Variants in ADK observed in about 807,000 individuals in gnomAD.
The protein encoded by ADK is adenosine kinase, also known as N6,N6-dimethyladenosine kinase.
ADK carries 24 observed loss-of-function variants against 44.7 expected under a neutral mutation model. That is an observed-to-expected ratio of 0.54 (90% CI 0.39 to 0.76). The LOEUF is 0.76. ADK is among the 30% of genes least tolerant of loss of function. ADK has a pLI of 0.00. For missense variants in ADK, 321 were observed against 425.1 expected (o/e 0.76, Z 2.15); for synonymous variants, 128 against 142.6 (o/e 0.90, Z 0.73).
chr10:74,408,905 C>A (rs1247968414), intron 6 of ADK, among the ~76,000 whole-genome samples: 1 of 152,048 alleles, frequency 6.6e-6, no homozygotes, highest in Non-Finnish European at 1.5e-5. Context: ...AGAAGAAAAT[C>A]TATGTATAGG....
At chr10:74,319,286 A>G (rs1486405290) in intron 4 of ADK, among the ~76,000 whole-genome samples, 1 of 152,206 alleles carries the variant, frequency 6.6e-6, no homozygotes, top group Non-Finnish European at 1.5e-5. Context: ...TGGCTTAAAC[A>G]ACAAAGATTT....
intron 8 of ADK, among the ~76,000 whole-genome samples, chr10:74,594,401 TAA>T (rs76747860): frequency 1.7e-4 from 25 of 147,244 alleles, no homozygotes; most frequent in African/African-American, 4.1e-4. Context: ...ACAGAAGAAA[TAA>T]AAAAAAAATT....
At chr10:74,186,228 C>T (rs72816384) in intron 1 of ADK, among the ~76,000 whole-genome samples, 1,049 of 46,682 alleles carry the variant, frequency 0.022, 11 homozygotes, top group Middle Eastern at 0.11. Flanking sequence ...TTCCCTTCCC[C>T]TCCTTTCCCT....
At chr10:74,621,290 A>G (rs1028015798) in intron 9 of ADK, among the ~76,000 whole-genome samples, 2 of 152,164 alleles carry the variant, frequency 1.3e-5, no homozygotes, top group African/African-American at 4.8e-5. Flanking sequence ...GACTAGATGC[A>G]TATTTAGTTT....
chr10:74,419,293 G>T (rs954224232), intron 6 of ADK, among the ~76,000 whole-genome samples: 6 of 151,956 alleles, frequency 3.9e-5, no homozygotes, highest in South Asian at 2.1e-4. Flanking sequence ...GTGATTTTAA[G>T]ATTGGCCTAT....
At chr10:74,163,340 C>T (rs552614422) in intron 1 of ADK, among the ~76,000 whole-genome samples, 14 of 152,224 alleles carry the variant, frequency 9.2e-5, no homozygotes, top group Non-Finnish European at 1.3e-4. Context: ...AGTAGAATTG[C>T]GTATTTGGGG....
intron 9 of ADK, among the ~76,000 whole-genome samples, chr10:74,622,288 C>A (rs182961069): frequency 6.6e-6 from 1 of 152,122 alleles, no homozygotes; most frequent in African/African-American, 2.4e-5. Context: ...GCCTCTTACC[C>A]GACACAGGAA....
intron 7 of ADK, among the ~76,000 whole-genome samples, chr10:74,551,062 G>A (rs921256199): frequency 6.6e-6 from 1 of 152,124 alleles, no homozygotes; most frequent in Non-Finnish European, 1.5e-5. Context: ...TTGTATACAA[G>A]AGTAGTTAAG....
At chr10:74,706,927 C>T (rs1349134617) in intron 10 of ADK, among the ~76,000 whole-genome samples, 1 of 152,052 alleles carries the variant, frequency 6.6e-6, no homozygotes, top group Non-Finnish European at 1.5e-5. Flanking sequence ...TTGTCATTTT[C>T]AATGTGCAGG....
intron 7 of ADK, among the ~76,000 whole-genome samples, chr10:74,551,054 G>A (rs975697438): frequency 6.6e-6 from 1 of 152,094 alleles, no homozygotes; most frequent in Non-Finnish European, 1.5e-5. Context: ...AGACAAGCTT[G>A]TATACAAGAG....
intron 3 of ADK, among the ~76,000 whole-genome samples, chr10:74,244,983 C>T (rs560150605): frequency 2.6e-5 from 4 of 152,210 alleles, no homozygotes; most frequent in African/African-American, 9.6e-5. Context: ...GTCTTTTTCC[C>T]GCTGATTTTA....
chr10:74,333,003 T>C (rs1229781377), intron 4 of ADK, among the ~76,000 whole-genome samples: 1 of 152,122 alleles, frequency 6.6e-6, no homozygotes, highest in Non-Finnish European at 1.5e-5. Context: ...GAAGCAGAAA[T>C]ATTTTACAGT....
intron 2 of ADK, among the ~76,000 whole-genome samples, chr10:74,201,502 A>G (rs1330475810): frequency 1.3e-5 from 2 of 152,186 alleles, no homozygotes; most frequent in African/African-American, 4.8e-5. Flanking sequence ...TTATTACAGT[A>G]TATTTTAATA....
At chr10:74,208,249 A>C (rs1453612411) in intron 2 of ADK, among the ~76,000 whole-genome samples, 8 of 152,220 alleles carry the variant, frequency 5.3e-5, no homozygotes, top group Admixed American at 1.3e-4. Context: ...TGCACTCAGG[A>C]GGGTGGGGCT....
intron 6 of ADK, among the ~76,000 whole-genome samples, chr10:74,468,542 A>G (rs1846439695): frequency 6.6e-6 from 1 of 152,150 alleles, no homozygotes; most frequent in Admixed American, 6.5e-5. Context: ...GATGTGCTGG[A>G]TAGAGCATTA....
chr10:74,155,643 C>T (rs1385517168), intron 1 of ADK, among the ~76,000 whole-genome samples: 1 of 152,146 alleles, frequency 6.6e-6, no homozygotes, highest in East Asian at 1.9e-4. Flanking sequence ...CATTCTCCTG[C>T]CTCAGCCTCT....
chr10:74,540,485 G>A (rs1242281691), intron 7 of ADK, among the ~76,000 whole-genome samples: 1 of 151,080 alleles, frequency 6.6e-6, no homozygotes, highest in African/African-American at 2.4e-5. Flanking sequence ...TTTGAGACAA[G>A]GTCTCACTCT....
intron 6 of ADK, among the ~76,000 whole-genome samples, chr10:74,484,598 A>G (rs1847199596): frequency 6.6e-6 from 1 of 152,188 alleles, no homozygotes; most frequent in Non-Finnish European, 1.5e-5. Context: ...AAACTTTACC[A>G]TACATTTCTA....
chr10:74,354,478 G>T (rs1039786459), intron 4 of ADK, among the ~76,000 whole-genome samples: 3 of 152,038 alleles, frequency 2.0e-5, no homozygotes, highest in Non-Finnish European at 4.4e-5. Flanking sequence ...AACAAGTATT[G>T]GTTTTGAATA....
Sources: allele counts gnomAD v4.1 joint callset (sites outside exome capture counted in the v4.1 genomes callset), GRCh38; gene constraint gnomAD v4.1.1; transcripts MANE v1.5; gene names NCBI Gene and HGNC (gene_info 2026-07-23, HGNC 2026-07-21).